CDK11A: variants seen among roughly 807,000 people sequenced by gnomAD.
The protein encoded by CDK11A is cyclin-dependent kinase 11A.
A neutral mutation model predicts 83.6 loss-of-function variants in CDK11A; 55 were observed. The ratio of observed to expected loss-of-function variants is 0.66; its 90% CI spans 0.53 to 0.82. The LOEUF (loss-of-function observed/expected upper bound fraction) is 0.82. CDK11A is among the 40% of genes least tolerant of loss of function. The pLI is 0.00. For synonymous variants in CDK11A, 247 were observed against 302.7 expected (o/e 0.82, Z 1.91); for missense variants, 564 against 810.1 (o/e 0.70, Z 3.69).
chr1:1,719,102 T>C (rs1252486013), intron 4 of CDK11A: 1 of 297,086 alleles, frequency 3.4e-6, no homozygotes, highest in East Asian at 6.9e-5. Context: ...ACACATGCTT[T>C]CAGCTAGAGT....
intron 4 of CDK11A, among the ~76,000 whole-genome samples, chr1:1,717,914 CACAT>C (rs1644737501): frequency 2.0e-5 from 3 of 150,542 alleles, no homozygotes; most frequent in Middle Eastern, 6.9e-3. Flanking sequence ...CAGTCTGTGA[CACAT>C]GCATGCTTTC....
intron 1 of CDK11A, among the ~76,000 whole-genome samples, chr1:1,723,514 A>AAAAG (rs1644990565): frequency 2.3e-5 from 1 of 42,590 alleles, no homozygotes; most frequent in African/African-American, 5.3e-5. Context: ...AAAAAAAAAA[A>AAAAG]AAAAAAAAAC....
intron 4 of CDK11A, among the ~76,000 whole-genome samples, chr1:1,717,706 C>T (rs79218658): frequency 7.2e-6 from 1 of 138,404 alleles, no homozygotes; most frequent in African/African-American, 2.7e-5. Flanking sequence ...GACACACGCA[C>T]ACTTTCAGCT....
At chr1:1,717,654 ATG>A (rs1644720460) in intron 4 of CDK11A, among the ~76,000 whole-genome samples, 3 of 48,652 alleles carry the variant, frequency 6.2e-5, no homozygotes, top group East Asian at 5.2e-4. Context: ...TGACACACGC[ATG>A]CTTTCAGCTA....
chr1:1,719,473 A>G lies in CDK11A; in HGVS notation c.228-18T>C. 6.9e-7 allele frequency: 1 copy of G among 1,443,172 alleles called. No individual in the cohort carries two copies. The highest frequency in any genetic ancestry group is 9.1e-7 in the Non-Finnish European group (1 of 1,094,882). 89.4% of individuals were successfully genotyped at this position (1,443,172 alleles called of 1,614,324 possible). On this transcript the variant is annotated intron_variant, in intron 3 of 19. Coordinates refer to ENST00000404249, the MANE Select transcript of CDK11A (RefSeq NM_024011.4). ...CTTCTCCTCTGAAATAAAACACAACAGCACTGCGTCATGCTTGAGAAAGTG... is the reference window on the plus strand; with the variant it reads ...CTTCTCCTCTGAAATAAAACACAACGGCACTGCGTCATGCTTGAGAAAGTG...
Position 1,703,011 on chromosome 1 carries a change from C to A in CDK11A, c.2251-12G>T. 4.6e-6 allele frequency: 2 copies of A among 430,588 alleles called. No homozygotes were observed. The highest frequency in any genetic ancestry group is 8.0e-6 in the Non-Finnish European group (2 of 248,898). 26.7% of individuals were successfully genotyped at this position (430,588 alleles called of 1,614,324 possible). On this transcript the variant is annotated splice_polypyrimidine_tract_variant and intron_variant, in intron 19 of 19. Coordinates refer to ENST00000404249, the MANE Select transcript of CDK11A (RefSeq NM_024011.4). ...AGGTCGTCGTCACCCTGGGACGAGT[C>A]GGCTACCGTGAGAACCCTGCCCAAG... is the stretch of plus-strand genomic sequence containing the variant.
Position 1,703,592 on chromosome 1 carries a change from G to A in CDK11A, c.1944C>T (p.Pro648=), listed in dbSNP as rs1215523918. The A allele has an allele frequency of 4.4e-6, 7 of 1,595,092 alleles. No individual in the cohort carries two copies. Among genetic ancestry groups the A allele is most frequent in the African/African-American group, 1.5e-5 (1 of 68,912 alleles). ...ELGTPSEKIW[P]GYSELPVVKK... is the part of the protein sequence containing the mutation. ...TGACTACTGGGAGCTCACTGTAGCC[G>A]GGCCAGATTTTCTCACTGGGGGTCC... The change falls in exon 18 of 20, where the codon CCC becomes CCT. Residue 648 remains proline (P), a synonymous_variant. Coordinates refer to ENST00000404249, the MANE Select transcript of CDK11A (RefSeq NM_024011.4).
Position 1,703,478 on chromosome 1 carries a change from G to C in CDK11A, c.2058C>G (p.Asn686Lys), listed in dbSNP as rs1315025021. 1 of 1,516,710 alleles carries C rather than the reference G, an allele frequency of 6.6e-7. No individual in the cohort carries two copies. Among genetic ancestry groups the C allele is most frequent in the Admixed American group, 2.0e-5 (1 of 49,422 alleles). The allele number at this position is 1,516,710 out of a possible 1,614,324, so 94.0% of individuals were successfully genotyped here. ...LLSDQGFDLM[N>K]KFLTYFPGRR... Reference sequence around the variant, plus strand: ...CCACCCGGCTGCACTGGGCTCACTTGTTCATGAGGTCGAAGCCCTGGTCTG... The same window carrying C: ...CCACCCGGCTGCACTGGGCTCACTTCTTCATGAGGTCGAAGCCCTGGTCTG... The change falls in exon 18 of 20, where the codon AAC (asparagine) becomes AAG (lysine). Residue 686 changes from asparagine to lysine, a missense_variant and splice_region_variant. Physicochemically the swap from Asn to Lys is moderately conservative, Grantham distance 94. Transcript: ENST00000404249.
Position 1,703,522 on chromosome 1 carries a change from G to A in CDK11A, c.2014C>T (p.Arg672Cys), listed in dbSNP as rs769472924. The A allele has an allele frequency of 5.5e-5, 86 of 1,557,456 alleles. 3 individuals carry two copies. The Middle Eastern group carries it at 1.2e-3, about 22-fold the overall frequency. ...SEHPYNNLRK[R>C]FGALLSDQGF... The stretch of plus-strand genomic sequence containing the variant: ...TGGTCTGAGAGCAGAGCCCCGAAGC[G>A]CTTGCGGAGGTTGTTGTAGGGGTGC... Residue 672 changes from arginine to cysteine, a missense_variant, in exon 18 of 20, where the codon CGC (arginine) becomes TGC (cysteine). Arg to Cys is a radical substitution (Grantham distance 180). Transcript: ENST00000404249.
rs377383025 is a variant in CDK11A, at chr1:1,704,532, C to A, written c.1564+18G>T. ...GCCCCCACTTGTACGCAGACAGGACCCCGGGGCGCGGCTGTACCTGGCAGG... is the reference window on the plus strand; with the variant it reads ...GCCCCCACTTGTACGCAGACAGGACACCGGGGCGCGGCTGTACCTGGCAGG... On this transcript the variant is annotated intron_variant, in intron 14 of 19. Coordinates refer to ENST00000404249, the MANE Select transcript of CDK11A (RefSeq NM_024011.4). 9 of 1,602,772 alleles carry A rather than the reference C, an allele frequency of 5.6e-6. No individual in the cohort carries two copies. The highest frequency in any genetic ancestry group is 1.1e-5 in the South Asian group (1 of 89,596).
intron 5 of CDK11A, among the ~76,000 whole-genome samples, chr1:1,715,882 A>C (rs202034995): frequency 6.6e-6 from 1 of 150,738 alleles, no homozygotes; most frequent in Non-Finnish European, 1.5e-5. Flanking sequence ...CAGGAGTCCT[A>C]GGAGTCCAGT....
At chr1:1,704,404 TGGCCCGCTCGCCTC>T (rs1276335509) in intron 14 of CDK11A, 60 bp from the exon 15 acceptor site, 1 of 1,594,394 alleles carries the variant, frequency 6.3e-7, no homozygotes, top group Non-Finnish European at 8.5e-7. Context: ...GCACTCAGGG[TGGCCCGCTCGCCTC>T]GGCAGCAACA....
intron 16 of CDK11A, 23 bp downstream of exon 16, chr1:1,704,016 G>A (rs755733701): frequency 6.2e-7 from 1 of 1,600,308 alleles, no homozygotes; most frequent in Non-Finnish European, 8.5e-7. Flanking sequence ...GACAGGGGAG[G>A]CACTCAGACG....
chr1:1,702,743 A>G lies in CDK11A; in HGVS notation c.*164T>C. On this transcript the variant is annotated 3_prime_UTR_variant, in exon 20 of 20. Coordinates refer to ENST00000404249, the MANE Select transcript of CDK11A (RefSeq NM_024011.4). ...AAAACACAGCTCTTTCCTCCACAACAAGGAAAATGATTTAATTCTACAAAT... is the reference window on the plus strand; with the variant it reads ...AAAACACAGCTCTTTCCTCCACAACGAGGAAAATGATTTAATTCTACAAAT... 1 of 593,620 alleles carries G rather than the reference A, an allele frequency of 1.7e-6. No individual in the cohort carries two copies. The highest frequency in any genetic ancestry group is 2.0e-5 in the South Asian group (1 of 50,292). The allele number at this position is 593,620 out of a possible 1,614,324, so 36.8% of individuals were successfully genotyped here. A position where few individuals can be genotyped will look rare whatever the true frequency, so the allele number is the denominator to read the frequency against.
intron 4 of CDK11A, 178 bp downstream of exon 4, chr1:1,719,146 CACAT>C (rs1385745802): frequency 1.6e-5 from 7 of 438,646 alleles, no homozygotes; most frequent in East Asian, 1.4e-4. Context: ...TGGTCTGTGA[CACAT>C]GCATGCTTTC....
At chr1:1,718,592 CAT>C (rs1644772652) in intron 4 of CDK11A, among the ~76,000 whole-genome samples, 1 of 150,136 alleles carries the variant, frequency 6.7e-6, no homozygotes, top group Admixed American at 6.7e-5. Context: ...TCTCTATAGC[CAT>C]TCTGAACGGT....
At chr1:1,716,258 T>G in intron 5 of CDK11A, 88 bp downstream of exon 5, 2 of 1,463,490 alleles carry the variant, frequency 1.4e-6, no homozygotes, top group Non-Finnish European at 1.9e-6. Context: ...CAAATGTGAC[T>G]TCTATTGCCA....
intron 13 of CDK11A, 27 bp downstream of exon 13, chr1:1,704,877 G>A (rs371977741): frequency 3.1e-6 from 5 of 1,606,796 alleles, no homozygotes; most frequent in Non-Finnish European, 4.3e-6. Flanking sequence ...TTCCACCCGG[G>A]GCCAGGCGTG....
intron 3 of CDK11A, among the ~76,000 whole-genome samples, 166 bp from the exon 4 acceptor site, chr1:1,719,621 T>TC (rs1393628019): frequency 4.2e-5 from 1 of 23,746 alleles, no homozygotes; most frequent in Non-Finnish European, 1.8e-4. Flanking sequence ...GCATCTTTTT[T>TC]TTTTTTTTTT....
Sources: allele counts gnomAD v4.1 joint callset (sites outside exome capture counted in the v4.1 genomes callset), GRCh38; gene constraint gnomAD v4.1.1; transcripts MANE v1.5; gene names NCBI Gene and HGNC (gene_info 2026-07-23, HGNC 2026-07-21).